RNLS: variants seen among roughly 807,000 people sequenced by gnomAD.
RNLS encodes the protein renalase.
In RNLS, 39 loss-of-function variants were observed where a neutral mutation model predicts 39.8. The ratio of observed to expected loss-of-function variants is 0.98; its 90% CI spans 0.76 to 1.28. RNLS has a LOEUF of 1.28. RNLS is among the 50% of genes most tolerant of loss of function. RNLS has a pLI of 0.00. For synonymous variants in RNLS, 147 were observed against 150.7 expected (o/e 0.98, Z 0.18); for missense variants, 410 against 413.3 (o/e 0.99, Z 0.07).
At position 88,285,207 on chromosome 10, in the gene RNLS, G is replaced by T; in HGVS notation, c.*147C>A. On this transcript the variant is annotated 3_prime_UTR_variant, in exon 7 of 7. Transcript: ENST00000331772. The stretch of plus-strand genomic sequence containing the variant: ...TTGTAACTATCAAAATTACAAAATT[G>T]ATTTTATACTCCACATGAAAAATGA... 1 of 1,330,728 alleles carries T rather than the reference G, an allele frequency of 7.5e-7. No individual in the cohort carries two copies. The highest frequency in any genetic ancestry group is 9.6e-7 in the Non-Finnish European group (1 of 1,037,552). The allele number at this position is 1,330,728 out of a possible 1,614,324, so 82.4% of individuals were successfully genotyped here.
chr10:88,237,536 CTTATT>C, the RNLS span, among the ~76,000 whole-genome samples: 1 of 152,148 alleles, frequency 6.6e-6, no homozygotes, highest in Non-Finnish European at 1.5e-5. Flanking sequence ...TACTTCCAAT[CTTATT>C]TTATTTTATA....
chr10:88,329,632 G>A lies in RNLS; in HGVS notation c.701-14991C>T, dbSNP rs536049589. Among the ~76,000 whole-genome samples the A allele has an allele frequency of 4.8e-4, 72 of 151,142 alleles. 1 individual carries two copies. The South Asian group carries it at 0.014, about 30-fold the overall frequency. On this transcript the variant is annotated intron_variant, in intron 5 of 6. Transcript: ENST00000331772. ...ACCTCTTTTCATGAAATTCTAATTAGGGATATACTAGATATTCTCATTCTA... is the reference window on the plus strand; with the variant it reads ...ACCTCTTTTCATGAAATTCTAATTAAGGATATACTAGATATTCTCATTCTA...
intron 5 of RNLS, among the ~76,000 whole-genome samples, chr10:88,350,952 T>C (rs1001529312): frequency 1.3e-5 from 2 of 152,228 alleles, no homozygotes; most frequent in African/African-American, 4.8e-5. Flanking sequence ...TATCTCATTG[T>C]GGTTTTGTTT....
the RNLS span, among the ~76,000 whole-genome samples, chr10:88,196,757 G>A: frequency 6.6e-6 from 1 of 152,146 alleles, no homozygotes; most frequent in Non-Finnish European, 1.5e-5. Context: ...GCAGACCCGT[G>A]GGCAAGAATA....
chr10:88,256,814 C>T, the RNLS span, among the ~76,000 whole-genome samples: 1,294 of 152,290 alleles, frequency 8.5e-3, 8 homozygotes, highest in Non-Finnish European at 0.014. Context: ...GTTATTCAAA[C>T]GTCAACCATT....
In RNLS at chr10:88,319,998, A is replaced by G. The variant is rs151290770; in HGVS notation, c.701-5357T>C. On this transcript the variant is annotated intron_variant, in intron 5 of 6. Coordinates refer to ENST00000331772, the MANE Select transcript of RNLS (RefSeq NM_001031709.3). ...AAGGCCTATAATTATCAGACTATCCAAGGTCAACATGAAAAAAAAATTCTC... is the reference window on the plus strand; with the variant it reads ...AAGGCCTATAATTATCAGACTATCCGAGGTCAACATGAAAAAAAAATTCTC... 2.8e-3 allele frequency among the ~76,000 whole-genome samples: 427 copies of G among 152,170 alleles called. 2 individuals are homozygous for G. The highest frequency in any genetic ancestry group is 8.7e-3 in the African/African-American group (363 of 41,526).
At chr10:88,556,585 C>A (rs541494718) in intron 4 of RNLS, among the ~76,000 whole-genome samples, 1 of 152,264 alleles carries the variant, frequency 6.6e-6, no homozygotes, top group Non-Finnish European at 1.5e-5. Context: ...GAGCCTCCTG[C>A]TTCCTCTCTG....
the RNLS span, among the ~76,000 whole-genome samples, chr10:88,216,470 A>G: frequency 3.9e-5 from 6 of 152,354 alleles, no homozygotes; most frequent in Non-Finnish European, 7.3e-5. Context: ...GACCTCCCAG[A>G]AGCATCTAGG....
At chr10:88,516,804 C>A (rs1161656850) in intron 4 of RNLS, among the ~76,000 whole-genome samples, 2 of 151,986 alleles carry the variant, frequency 1.3e-5, no homozygotes, top group Non-Finnish European at 2.9e-5. Context: ...TATGTTTCAT[C>A]TCTGTTGACA....
At chr10:88,574,742 G>A (rs1850057947) in intron 3 of RNLS, among the ~76,000 whole-genome samples, 1 of 152,128 alleles carries the variant, frequency 6.6e-6, no homozygotes, top group Non-Finnish European at 1.5e-5. Flanking sequence ...TAGAGCAAGG[G>A]GCTTGTAAAC....
chr10:88,579,342 GT>G (rs1850392474), intron 3 of RNLS, among the ~76,000 whole-genome samples: 2 of 152,154 alleles, frequency 1.3e-5, no homozygotes, highest in South Asian at 4.1e-4. Flanking sequence ...TTTATGGCCA[GT>G]TTTTACAAAG....
chr10:88,470,879 G>T (rs577112218), intron 4 of RNLS, among the ~76,000 whole-genome samples: 14 of 152,232 alleles, frequency 9.2e-5, no homozygotes, highest in African/African-American at 3.1e-4. Context: ...CTCCCAAAGT[G>T]CTGGGATTAC....
the RNLS span, among the ~76,000 whole-genome samples, chr10:88,224,648 TAA>T: frequency 2.6e-5 from 4 of 152,312 alleles, no homozygotes; most frequent in African/African-American, 9.6e-5. Flanking sequence ...TGGTATTATA[TAA>T]CTTTCTGTAG....
chr10:88,220,708 T>C, the RNLS span, among the ~76,000 whole-genome samples: 2 of 152,200 alleles, frequency 1.3e-5, no homozygotes, highest in African/African-American at 4.8e-5. Context: ...TGCCCTAGTA[T>C]TGTTTTTACT....
intron 4 of RNLS, among the ~76,000 whole-genome samples, chr10:88,406,202 A>G (rs1309324330): frequency 1.3e-5 from 2 of 152,074 alleles, no homozygotes; most frequent in African/African-American, 4.8e-5. Context: ...CAATGTGCCT[A>G]GGCAAAGATA....
At chr10:88,548,963 G>C (rs1848478174) in intron 4 of RNLS, among the ~76,000 whole-genome samples, 1 of 151,992 alleles carries the variant, frequency 6.6e-6, no homozygotes, top group Non-Finnish European at 1.5e-5. Context: ...TAACAGCTTA[G>C]GTAATGTCTC....
intron 4 of RNLS, among the ~76,000 whole-genome samples, chr10:88,440,906 T>C (rs1172689539): frequency 2.0e-5 from 3 of 152,078 alleles, no homozygotes; most frequent in African/African-American, 7.2e-5. Context: ...ACAAACAAAT[T>C]CAGGTTCTGT....
intron 4 of RNLS, among the ~76,000 whole-genome samples, chr10:88,550,715 C>T (rs910822475): frequency 2.6e-5 from 4 of 152,122 alleles, no homozygotes; most frequent in Non-Finnish European, 2.9e-5. Context: ...ATTTTATAAA[C>T]ACATTTTCTG....
chr10:88,217,341 A>G, the RNLS span, among the ~76,000 whole-genome samples: 6 of 152,166 alleles, frequency 3.9e-5, no homozygotes, highest in African/African-American at 1.4e-4. Flanking sequence ...TGCAGAAATA[A>G]CCTTTTCATC....
Sources: gnomAD v4.1 joint callset for allele counts (sites outside exome capture counted in the v4.1 genomes callset) on GRCh38, gnomAD v4.1.1 for gene constraint, MANE v1.5 for transcripts, NCBI Gene and HGNC (gene_info 2026-07-23, HGNC 2026-07-21) for gene names.